The following GRM5 variants were observed in gnomAD, a reference collection of about 807,000 sequenced individuals.
GRM5 encodes the protein glutamate metabotropic receptor 5, also known as metabotropic glutamate receptor 5.
Under a neutral mutation model 83.1 loss-of-function variants are expected in GRM5, and 19 were observed. The observed-to-expected ratio is 0.23, with a 90% CI of 0.16 to 0.34. GRM5 has a LOEUF of 0.34. Ranked by LOEUF, GRM5 falls within the 10% of genes least tolerant of loss-of-function variation. GRM5 has a pLI of 1.00. For missense variants in GRM5, 1,160 were observed against 1,588.3 expected (o/e 0.73, Z 4.58); for synonymous variants, 675 against 633.6 (o/e 1.07, Z -0.98).
intron 4 of GRM5, among the ~76,000 whole-genome samples, chr11:88,637,254 C>G (rs1416349918): frequency 6.6e-6 from 1 of 152,100 alleles, no homozygotes; most frequent in Non-Finnish European, 1.5e-5. Flanking sequence ...GCAATGAATT[C>G]ATGTCCAAAA....
intron 2 of GRM5, among the ~76,000 whole-genome samples, chr11:88,935,633 G>C (rs1050634065): frequency 6.6e-6 from 1 of 151,824 alleles, no homozygotes; most frequent in African/African-American, 2.4e-5. Context: ...TACAACAAAA[G>C]GCAGCTTGGC....
In GRM5 at chr11:88,784,521, G is replaced by A. The variant is rs117487544; in HGVS notation, c.911+65385C>T. On this transcript the variant is annotated intron_variant, in intron 3 of 9. Transcript: ENST00000305447. ...ACTTAATATAAAGGAATAAAATAAG[G>A]CTCACAAGGCTAAGTAAAGGACCTG... is the stretch of plus-strand genomic sequence containing the variant. Among the ~76,000 whole-genome samples the A allele has an allele frequency of 5.8e-3, 885 of 151,860 alleles. 18 individuals carry two copies. The East Asian group carries it at 0.072, about 12-fold the overall frequency.
chr11:88,721,178 G>A (rs962943409), intron 3 of GRM5, among the ~76,000 whole-genome samples: 1 of 152,012 alleles, frequency 6.6e-6, no homozygotes, highest in Non-Finnish European at 1.5e-5. Flanking sequence ...GCACCACGAT[G>A]GTGATACAAA....
chr11:88,660,215 C>A (rs915013044), intron 3 of GRM5, among the ~76,000 whole-genome samples: 64 of 152,274 alleles, frequency 4.2e-4, no homozygotes, highest in African/African-American at 1.5e-3. Context: ...TTTCCATAAA[C>A]AGTAGAAATC....
intron 2 of GRM5, among the ~76,000 whole-genome samples, chr11:88,877,928 C>A (rs978047036): frequency 2.0e-5 from 3 of 151,774 alleles, no homozygotes; most frequent in African/African-American, 7.3e-5. Context: ...GTGGGTGCAG[C>A]GCACCAGCAT....
At chr11:88,709,060 C>T (rs1186879464) in intron 3 of GRM5, among the ~76,000 whole-genome samples, 2 of 151,846 alleles carry the variant, frequency 1.3e-5, no homozygotes, top group South Asian at 2.1e-4. Context: ...TATTTGATGC[C>T]ATCTTGTAAA....
intron 4 of GRM5, among the ~76,000 whole-genome samples, chr11:88,634,325 C>T (rs1366528732): frequency 1.3e-5 from 2 of 152,234 alleles, no homozygotes; most frequent in African/African-American, 4.8e-5. Flanking sequence ...TTTACTGTAA[C>T]ATTTACTTTA....
intron 2 of GRM5, among the ~76,000 whole-genome samples, chr11:88,928,907 T>TATATATACACACAC (rs369951090): frequency 2.5e-4 from 35 of 138,746 alleles, no homozygotes; most frequent in South Asian, 2.1e-3. Context: ...TATGTGTATA[T>TATATATACACACAC]ACACACACAC....
chr11:88,888,864 C>T (rs916897680), intron 2 of GRM5, among the ~76,000 whole-genome samples: 4 of 152,138 alleles, frequency 2.6e-5, no homozygotes, highest in Admixed American at 2.6e-4. Context: ...GCCTGCTGTT[C>T]AAGCCAGCCC....
chr11:88,850,260 G>A, intron 2 of GRM5, 105 bp from the exon 3 acceptor site: 3 of 778,236 alleles, frequency 3.9e-6, no homozygotes, highest in Non-Finnish European at 6.2e-6. Flanking sequence ...CATTGGTATG[G>A]GACTTGCAAC....
At chr11:88,983,882 T>C (rs1395960654) in intron 2 of GRM5, among the ~76,000 whole-genome samples, 1 of 152,028 alleles carries the variant, frequency 6.6e-6, no homozygotes, top group African/African-American at 2.4e-5. Context: ...TCCTGATTCT[T>C]TGTAGACCGA....
At chr11:88,512,429 AAAG>A (rs1941401861) in intron 9 of GRM5, 1 of 154,426 alleles carries the variant, frequency 6.5e-6, no homozygotes, top group Non-Finnish European at 1.5e-5. Context: ...AAAAAAAACA[AAAG>A]AAACTCCCTA....
At position 89,048,482 on chromosome 11, in the gene GRM5, T is replaced by A. The variant is rs560186465; in HGVS notation, c.-200-410A>T. ...TGGTAATGAAAGTGTGGATAACTGT[T>A]GTTAAATTTTCATTAGGCTTTCTTT... On this transcript the variant is annotated intron_variant, in intron 1 of 9. Coordinates refer to ENST00000305447, the MANE Select transcript of GRM5 (RefSeq NM_001143831.3). 3.3e-5 allele frequency among the ~76,000 whole-genome samples: 5 copies of A among 152,340 alleles called. No individual in the cohort carries two copies. In the East Asian group the frequency reaches 9.6e-4, roughly 29 times the overall value.
chr11:88,602,278 T>G lies in GRM5; in HGVS notation c.1394+2440A>C, dbSNP rs528441440. On this transcript the variant is annotated intron_variant, in intron 5 of 9. Coordinates refer to ENST00000305447, the MANE Select transcript of GRM5 (RefSeq NM_001143831.3). ...TATTATGTTAGGGGCATTATATGAT[T>G]GTTTAGGCTTTTGTAAATTCAAAAA... Among the ~76,000 whole-genome samples, 21 of 152,346 alleles carry G rather than the reference T, an allele frequency of 1.4e-4. No homozygotes were observed. In the South Asian group the frequency reaches 2.9e-3, roughly 21 times the overall value.
At chr11:88,789,384 G>C (rs1181846413) in intron 3 of GRM5, among the ~76,000 whole-genome samples, 1 of 152,018 alleles carries the variant, frequency 6.6e-6, no homozygotes, top group East Asian at 1.9e-4. Context: ...AAAAAAGAAA[G>C]AGAAGAAAAC....
chr11:89,049,197 C>T (rs1941706237), intron 1 of GRM5, among the ~76,000 whole-genome samples: 1 of 152,082 alleles, frequency 6.6e-6, no homozygotes, highest in African/African-American at 2.4e-5. Context: ...GGCTCAAAGG[C>T]TAAAAGGATG....
chr11:88,752,340 C>T (rs1218701602), intron 3 of GRM5, among the ~76,000 whole-genome samples: 1 of 152,062 alleles, frequency 6.6e-6, no homozygotes, highest in Non-Finnish European at 1.5e-5. Context: ...CATGAATGAA[C>T]TCCCATTCAC....
intron 2 of GRM5, among the ~76,000 whole-genome samples, chr11:88,964,250 A>G (rs745421626): frequency 2.0e-5 from 3 of 152,148 alleles, no homozygotes; most frequent in Non-Finnish European, 4.4e-5. Context: ...AGCCACCACA[A>G]TAGCAAAAAT....
intron 3 of GRM5, among the ~76,000 whole-genome samples, chr11:88,796,703 G>A (rs1943281724): frequency 6.6e-6 from 1 of 152,084 alleles, no homozygotes; most frequent in South Asian, 2.1e-4. Flanking sequence ...AGGCTAAAAT[G>A]ATTTGAACTT....
Sources: allele counts gnomAD v4.1 joint callset (sites outside exome capture counted in the v4.1 genomes callset), GRCh38; gene constraint gnomAD v4.1.1; transcripts MANE v1.5; gene names NCBI Gene and HGNC (gene_info 2026-07-23, HGNC 2026-07-21).